The following CKAP5 variants were observed in gnomAD, a reference collection of about 807,000 sequenced individuals.
CKAP5 encodes the protein cytoskeleton associated protein 5, also known as cytoskeleton-associated protein 5.
In CKAP5, 27 loss-of-function variants were observed where a neutral mutation model predicts 232.8. That is an observed-to-expected ratio of 0.12 (90% CI 0.09 to 0.16). The LOEUF (loss-of-function observed/expected upper bound fraction) is 0.16. Among genes scored for constraint, CKAP5 ranks in the 10% least tolerant of loss-of-function variants. CKAP5 has a pLI of 1.00. For missense variants in CKAP5, 1,838 were observed against 2,424.7 expected (o/e 0.76, Z 5.08); for synonymous variants, 785 against 841.1 (o/e 0.93, Z 1.16).
chr11:46,799,002 C>T (rs1031975680), intron 9 of CKAP5, among the ~76,000 whole-genome samples: 12 of 152,162 alleles, frequency 7.9e-5, no homozygotes, highest in Non-Finnish European at 1.3e-4. Flanking sequence ...CCCACTATGG[C>T]AGTGCTTCTC....
chr11:46,753,282 G>C, intron 37 of CKAP5, 28 bp downstream of exon 37: 2 of 1,547,292 alleles, frequency 1.3e-6, no homozygotes, highest in South Asian at 1.2e-5. Flanking sequence ...GATGCCCCAG[G>C]CTCTATTGGC....
At chr11:46,822,413 A>T (rs1939554731) in intron 1 of CKAP5, among the ~76,000 whole-genome samples, 1 of 152,198 alleles carries the variant, frequency 6.6e-6, no homozygotes, top group Non-Finnish European at 1.5e-5. Flanking sequence ...CCAAGAAAAA[A>T]GTTTTGGAAA....
chr11:46,836,520 C>G (rs1466360223), intron 1 of CKAP5, among the ~76,000 whole-genome samples: 2 of 152,042 alleles, frequency 1.3e-5, no homozygotes, highest in Non-Finnish European at 2.9e-5. Flanking sequence ...TGAGACCAGC[C>G]TGGTCAACAC....
At chr11:46,804,365 T>G (rs1483332461) in intron 8 of CKAP5, among the ~76,000 whole-genome samples, 1 of 152,204 alleles carries the variant, frequency 6.6e-6, no homozygotes, top group Non-Finnish European at 1.5e-5. Context: ...GAGAAGTGTT[T>G]ATTTTTAAGA....
chr11:46,764,313 A>G lies in CKAP5; in HGVS notation c.3538-683T>C, dbSNP rs1417598843. ...CACTCACATATGTGTACAAAGACCT[A>G]CATTCAAAGATATTCACAGCAGCAG... On this transcript the variant is annotated intron_variant, in intron 28 of 43. Coordinates refer to ENST00000529230, the MANE Select transcript of CKAP5 (RefSeq NM_001008938.4). Among the ~76,000 whole-genome samples, 4 of 152,366 alleles carry G rather than the reference A, an allele frequency of 2.6e-5. No individual in the cohort carries two copies. In the East Asian group the frequency reaches 5.8e-4, roughly 22 times the overall value.
intron 36 of CKAP5, among the ~76,000 whole-genome samples, chr11:46,754,033 C>T (rs1287645523): frequency 6.6e-6 from 1 of 151,934 alleles, no homozygotes; most frequent in Non-Finnish European, 1.5e-5. Flanking sequence ...GAGTCTTGCT[C>T]TGTTGCCCAG....
intron 2 of CKAP5, among the ~76,000 whole-genome samples, chr11:46,819,201 G>A (rs1024063359): frequency 3.3e-5 from 5 of 152,138 alleles, no homozygotes; most frequent in African/African-American, 1.2e-4. Flanking sequence ...AATGGTAATT[G>A]AGCTGAGCCC....
At chr11:46,754,774 A>G in intron 36 of CKAP5, 114 bp downstream of exon 36, 1 of 851,878 alleles carries the variant, frequency 1.2e-6, no homozygotes, top group South Asian at 1.8e-5. Context: ...AATGCATGTA[A>G]AATTCTACCA....
chr11:46,804,193 C>T (rs369800358), intron 8 of CKAP5, among the ~76,000 whole-genome samples: 175 of 152,190 alleles, frequency 1.1e-3, no homozygotes, highest in Non-Finnish European at 2.1e-3. Flanking sequence ...GAAGATACTG[C>T]GAATCTGTTA....
At chr11:46,785,471 A>G (rs1297516910) in intron 16 of CKAP5, among the ~76,000 whole-genome samples, 1 of 152,064 alleles carries the variant, frequency 6.6e-6, no homozygotes, top group Non-Finnish European at 1.5e-5. Flanking sequence ...GATTACTTAC[A>G]GGCGCCCGCC....
chr11:46,801,315 G>T lies in CKAP5; in HGVS notation c.979-11C>A. 1 of 1,596,070 alleles carries T rather than the reference G, an allele frequency of 6.3e-7. No individual in the cohort carries two copies. The highest frequency in any genetic ancestry group is 8.6e-7 in the Non-Finnish European group (1 of 1,163,982). ...GTCCTTTCCAACAACCTACAAAGGG[G>T]GGTAAAAAGGAAAACAAAATAGTCA... On this transcript the variant is annotated splice_polypyrimidine_tract_variant and intron_variant, in intron 8 of 43. Coordinates refer to ENST00000529230, the MANE Select transcript of CKAP5 (RefSeq NM_001008938.4).
At chr11:46,773,910 A>G (rs996260369) in intron 24 of CKAP5, among the ~76,000 whole-genome samples, 1 of 152,134 alleles carries the variant, frequency 6.6e-6, no homozygotes, top group Non-Finnish European at 1.5e-5. Flanking sequence ...CCCACAGCCA[A>G]TATCATACTG....
intron 38 of CKAP5, among the ~76,000 whole-genome samples, chr11:46,752,193 T>TATACACATACAC (rs1408030107): frequency 2.1e-4 from 14 of 66,572 alleles, no homozygotes; most frequent in African/African-American, 6.6e-4. Flanking sequence ...TATATATATA[T>TATACACATACAC]ACACACACAC....
chr11:46,820,516 A>C (rs1173654527), intron 2 of CKAP5: 1 of 152,220 alleles, frequency 6.6e-6, no homozygotes, highest in African/African-American at 2.4e-5. Flanking sequence ...TGTCAAGAAC[A>C]TAAAGTGGTA....
intron 1 of CKAP5, among the ~76,000 whole-genome samples, chr11:46,823,893 T>C (rs1939597786): frequency 6.6e-6 from 1 of 152,248 alleles, no homozygotes; most frequent in Non-Finnish European, 1.5e-5. Flanking sequence ...TCTCCATCCC[T>C]AGTTCTGGCC....
intron 11 of CKAP5, 61 bp from the exon 12 acceptor site, chr11:46,797,001 T>C: frequency 6.4e-7 from 1 of 1,561,664 alleles, no homozygotes; most frequent in Non-Finnish European, 8.8e-7. Flanking sequence ...TTACTCATTT[T>C]AATTCAGACT....
At chr11:46,789,313 C>T (rs1354663704) in intron 15 of CKAP5, among the ~76,000 whole-genome samples, 1 of 152,176 alleles carries the variant, frequency 6.6e-6, no homozygotes, top group Non-Finnish European at 1.5e-5. Flanking sequence ...CGGTATATGC[C>T]AAAATGAACT....
rs1431324319 is a variant in CKAP5, at chr11:46,808,121, T to C, written c.888A>G (p.Arg296=). ...CTTCTACAGACTCCAGGGCCTCTTT[T>C]CTCTCTTGCCATTTTTTTGCCTCCT... ...DKIEAKKWQE[R]KEALESVEVL... Residue 296 remains arginine (R), a synonymous_variant, in exon 8 of 44, where the codon AGA becomes AGG. Coordinates refer to ENST00000529230, the MANE Select transcript of CKAP5 (RefSeq NM_001008938.4). 3 of 1,613,406 alleles carry C rather than the reference T, an allele frequency of 1.9e-6. No individual in the cohort carries two copies. The highest frequency in any genetic ancestry group is 2.2e-5 in the South Asian group (2 of 90,914).
chr11:46,780,138 G>C, intron 20 of CKAP5, 56 bp downstream of exon 20: 1 of 1,593,976 alleles, frequency 6.3e-7, no homozygotes, highest in Non-Finnish European at 8.6e-7. Context: ...CAACAGTTTA[G>C]TCTTAATGAG....
Sources: gnomAD v4.1 joint callset for allele counts (sites outside exome capture counted in the v4.1 genomes callset) on GRCh38, gnomAD v4.1.1 for gene constraint, MANE v1.5 for transcripts, NCBI Gene and HGNC (gene_info 2026-07-23, HGNC 2026-07-21) for gene names.